FBXL17: variants seen among roughly 807,000 people sequenced by gnomAD.
The protein encoded by FBXL17 is F-box and leucine rich repeat protein 17.
A neutral mutation model predicts 66.2 loss-of-function variants in FBXL17; 22 were observed. That is an observed-to-expected ratio of 0.33 (90% CI 0.24 to 0.47). The LOEUF (loss-of-function observed/expected upper bound fraction) is 0.47, where lower values mean the gene tolerates loss of function less well. Ranked by LOEUF, FBXL17 falls within the 20% of genes least tolerant of loss-of-function variation. The pLI is 1.00. For missense variants in FBXL17, 878 were observed against 948.2 expected (o/e 0.93, Z 0.97); for synonymous variants, 474 against 400.5 (o/e 1.18, Z -2.19).
At chr5:108,379,031 T>C (rs1749648327) in intron 1 of FBXL17, among the ~76,000 whole-genome samples, 1 of 152,224 alleles carries the variant, frequency 6.6e-6, no homozygotes, top group Admixed American at 6.5e-5. Flanking sequence ...CCCATGGTAA[T>C]TCCCATATGT....
chr5:108,171,891 C>G (rs928203755), intron 6 of FBXL17, among the ~76,000 whole-genome samples: 5 of 152,120 alleles, frequency 3.3e-5, no homozygotes, highest in Non-Finnish European at 7.3e-5. Flanking sequence ...GTGAGTAAGT[C>G]TCACAAGATC....
chr5:107,994,468 A>G (rs1346605928), intron 7 of FBXL17, among the ~76,000 whole-genome samples: 1 of 152,166 alleles, frequency 6.6e-6, no homozygotes, highest in African/African-American at 2.4e-5. Context: ...ATTAAAAATT[A>G]GTTTATCTTC....
At chr5:107,876,522 G>A (rs555709124) in intron 8 of FBXL17, among the ~76,000 whole-genome samples, 32 of 152,246 alleles carry the variant, frequency 2.1e-4, no homozygotes, top group African/African-American at 7.5e-4. Flanking sequence ...AACACACACT[G>A]CAGAGGTTTC....
At chr5:108,323,736 A>G (rs1286215445) in intron 4 of FBXL17, among the ~76,000 whole-genome samples, 1 of 152,056 alleles carries the variant, frequency 6.6e-6, no homozygotes, top group African/African-American at 2.4e-5. Flanking sequence ...TAGTGCTGGC[A>G]AAAAGACAGA....
intron 7 of FBXL17, among the ~76,000 whole-genome samples, chr5:107,959,414 ACAC>A (rs1751806558): frequency 7.0e-6 from 1 of 142,194 alleles, no homozygotes; most frequent in Non-Finnish European, 1.6e-5. Flanking sequence ...ACACACACAC[ACAC>A]AGGCAACACT....
At chr5:108,109,579 T>G (rs1457244601) in intron 6 of FBXL17, among the ~76,000 whole-genome samples, 2 of 152,208 alleles carry the variant, frequency 1.3e-5, no homozygotes, top group Non-Finnish European at 2.9e-5. Flanking sequence ...ACATAAAACT[T>G]ATATTTAAAT....
At chr5:108,178,087 A>G (rs1752863926) in intron 6 of FBXL17, among the ~76,000 whole-genome samples, 1 of 151,894 alleles carries the variant, frequency 6.6e-6, no homozygotes, top group Non-Finnish European at 1.5e-5. Flanking sequence ...GAGCAGTGGC[A>G]CGATCACAGC....
chr5:107,888,477 G>C (rs1464893122), intron 7 of FBXL17, among the ~76,000 whole-genome samples: 1 of 152,196 alleles, frequency 6.6e-6, no homozygotes, highest in African/African-American at 2.4e-5. Flanking sequence ...CTGAGAAACA[G>C]AGCAAGCCCA....
At chr5:108,280,996 C>A (rs59769411) in intron 4 of FBXL17, among the ~76,000 whole-genome samples, 1,696 of 151,692 alleles carry the variant, frequency 0.011, 30 homozygotes, top group African/African-American at 0.038. Context: ...TATATGCTCC[C>A]AACAGTGGAG....
intron 7 of FBXL17, among the ~76,000 whole-genome samples, chr5:107,963,223 A>G (rs1751986250): frequency 6.6e-6 from 1 of 152,158 alleles, no homozygotes; most frequent in African/African-American, 2.4e-5. Context: ...TGGCTCTGAT[A>G]CTGGCATGCC....
chr5:107,870,697 T>C (rs1448479007), intron 8 of FBXL17, among the ~76,000 whole-genome samples: 1 of 151,868 alleles, frequency 6.6e-6, no homozygotes. Flanking sequence ...GTGATTCTCC[T>C]GCCTCAGCCT....
At chr5:108,246,352 T>C (rs1756096961) in intron 4 of FBXL17, among the ~76,000 whole-genome samples, 1 of 151,942 alleles carries the variant, frequency 6.6e-6, no homozygotes, top group East Asian at 1.9e-4. Flanking sequence ...AATAAGTAAA[T>C]AAGCAGGCAA....
chr5:108,025,578 A>G (rs1414885137), intron 6 of FBXL17, among the ~76,000 whole-genome samples: 1 of 152,070 alleles, frequency 6.6e-6, no homozygotes, highest in African/African-American at 2.4e-5. Flanking sequence ...GGTTTTAGAA[A>G]TAGAACCTCA....
At position 108,087,270 on chromosome 5, in the gene FBXL17, T is replaced by C. The variant is rs571316430; in HGVS notation, c.1746-66269A>G. ...ATACAAGGTATTCAACTCAATTACTTGGAAGATTACAATATACTGTGGTAG... is the reference window on the plus strand; with the variant it reads ...ATACAAGGTATTCAACTCAATTACTCGGAAGATTACAATATACTGTGGTAG... On this transcript the variant is annotated intron_variant, in intron 6 of 8. Coordinates refer to ENST00000542267, the MANE Select transcript of FBXL17 (RefSeq NM_001163315.3). Among the ~76,000 whole-genome samples the C allele has an allele frequency of 3.9e-5, 6 of 152,324 alleles. No homozygotes were observed. In the East Asian group the frequency reaches 1.2e-3, roughly 29 times the overall value.
chr5:108,236,136 A>T (rs1232810975), intron 4 of FBXL17, among the ~76,000 whole-genome samples: 1 of 152,042 alleles, frequency 6.6e-6, no homozygotes, highest in Non-Finnish European at 1.5e-5. Flanking sequence ...ACTTGAGCCC[A>T]GAGGTCGAGG....
At chr5:107,927,303 G>A (rs866878694) in intron 7 of FBXL17, among the ~76,000 whole-genome samples, 1 of 152,110 alleles carries the variant, frequency 6.6e-6, no homozygotes, top group Non-Finnish European at 1.5e-5. Flanking sequence ...TCAGGGCCAT[G>A]TTGCATGCAA....
intron 6 of FBXL17, among the ~76,000 whole-genome samples, chr5:108,170,039 T>C (rs74715797): frequency 0.01 from 1,562 of 152,298 alleles, 31 homozygotes; most frequent in African/African-American, 0.034. Flanking sequence ...CTCTCCCTTC[T>C]TTCCCCAAAC....
intron 7 of FBXL17, among the ~76,000 whole-genome samples, chr5:107,962,912 A>AATCTAATTTT: frequency 6.6e-6 from 1 of 152,260 alleles, no homozygotes; most frequent in East Asian, 1.9e-4. Context: ...ATTTTATACA[A>AATCTAATTTT]TGCATACCAC....
intron 3 of FBXL17, among the ~76,000 whole-genome samples, chr5:108,354,914 T>G (rs1305222205): frequency 6.6e-6 from 1 of 152,026 alleles, no homozygotes; most frequent in Admixed American, 6.6e-5. Context: ...TAGTATTCTA[T>G]AGCCTGTGAA....
Sources: allele counts gnomAD v4.1 joint callset (sites outside exome capture counted in the v4.1 genomes callset), GRCh38; gene constraint gnomAD v4.1.1; transcripts MANE v1.5; gene names NCBI Gene and HGNC (gene_info 2026-07-23, HGNC 2026-07-21).